The following MIPEP variants were observed in gnomAD, a reference collection of about 807,000 sequenced individuals.
MIPEP encodes mitochondrial intermediate peptidase.
Under a neutral mutation model 90.3 loss-of-function variants are expected in MIPEP, and 79 were observed. The observed-to-expected ratio is 0.87, with a 90% CI of 0.73 to 1.05. MIPEP has a LOEUF of 1.05. Ranked by LOEUF, MIPEP falls within the 50% of genes least tolerant of loss-of-function variation. The probability of loss-of-function intolerance (pLI) is 0.00; values close to 1 mark genes in which losing one functional copy is unlikely to be tolerated. For missense variants in MIPEP, 940 were observed against 905.6 expected, an observed-to-expected ratio of 1.04 and a Z score of -0.49; for synonymous variants, 334 against 315.8, an observed-to-expected ratio of 1.06 and a Z score of -0.61.
At chr13:23,821,778 T>C (rs879336936) in intron 14 of MIPEP, among the ~76,000 whole-genome samples, 3 of 152,222 alleles carry the variant, frequency 2.0e-5, no homozygotes, top group Non-Finnish European at 4.4e-5. Context: ...CTTTAAATCA[T>C]GTCTAGACTA....
chr13:23,760,519 T>G, intron 16 of MIPEP: 60 of 562,268 alleles, frequency 1.1e-4, no homozygotes, highest in Middle Eastern at 3.0e-4. Flanking sequence ...GACTGGGCCC[T>G]TGCCCAAACT....
intron 14 of MIPEP, among the ~76,000 whole-genome samples, chr13:23,818,279 G>C (rs1392114139): frequency 6.6e-6 from 1 of 151,640 alleles, no homozygotes. Flanking sequence ...AATTAGCTGG[G>C]CCTGGTGGCG....
intron 16 of MIPEP, among the ~76,000 whole-genome samples, chr13:23,762,651 G>A (rs978407986): frequency 1.2e-4 from 18 of 152,210 alleles, no homozygotes; most frequent in South Asian, 2.1e-4. Context: ...CTTCCTCCTT[G>A]GGGATGCAGC....
At chr13:23,744,448 T>C (rs917162374) in intron 18 of MIPEP, among the ~76,000 whole-genome samples, 1 of 152,174 alleles carries the variant, frequency 6.6e-6, no homozygotes, top group African/African-American at 2.4e-5. Flanking sequence ...GAGAAAGAAG[T>C]TGAAGAAATT....
At chr13:23,873,008 T>C (rs751723014) in intron 5 of MIPEP, among the ~76,000 whole-genome samples, 3 of 152,198 alleles carry the variant, frequency 2.0e-5, no homozygotes, top group East Asian at 3.9e-4. Flanking sequence ...AGAAGTTAGA[T>C]AAGCAACACA....
At chr13:23,885,685 TAAAA>T (rs985552322) in intron 2 of MIPEP, among the ~76,000 whole-genome samples, 1 of 144,340 alleles carries the variant, frequency 6.9e-6, no homozygotes, top group East Asian at 2.0e-4. Context: ...TTTAAAATGT[TAAAA>T]AAAAAAAGTC....
rs150679574 is a variant in MIPEP, at chr13:23,816,241, C to T, written c.1654-6317G>A. Among the ~76,000 whole-genome samples, 604 of 152,188 alleles carry T rather than the reference C, an allele frequency of 4.0e-3. 2 individuals carry two copies. The highest frequency in any genetic ancestry group is 0.014 in the African/African-American group (584 of 41,506). ...GTTATTATGCCATCAAATATTTCTC[C>T]GGCCTTGTTATTGCTCTCTTTTCCT... On this transcript the variant is annotated intron_variant, in intron 14 of 18. Transcript: ENST00000382172.
At chr13:23,813,129 CTT>C (rs1953193231) in intron 14 of MIPEP, among the ~76,000 whole-genome samples, 2 of 151,780 alleles carry the variant, frequency 1.3e-5, no homozygotes, top group South Asian at 4.2e-4. Context: ...GAAAAAAAAA[CTT>C]AAATACCATA....
chr13:23,834,484 G>A (rs570636791), intron 14 of MIPEP, among the ~76,000 whole-genome samples: 45 of 152,246 alleles, frequency 3.0e-4, no homozygotes, highest in Non-Finnish European at 6.5e-4. Context: ...ATTAAAGACC[G>A]CGGGCAATGG....
Position 23,746,988 on chromosome 13 carries a change from C to T in MIPEP, c.2044+9557G>A, listed in dbSNP as rs148011385. ...AACAAGCACTACCCACCAAAAGTAA[C>T]GGTGACAAAACAGAAGTTGAAGAAG... is the stretch of plus-strand genomic sequence containing the variant. On this transcript the variant is annotated intron_variant, in intron 18 of 18. Coordinates refer to ENST00000382172, the MANE Select transcript of MIPEP (RefSeq NM_005932.4). Among the ~76,000 whole-genome samples, 122 of 152,264 alleles carry T rather than the reference C, an allele frequency of 8.0e-4. 2 individuals carry two copies. The East Asian group carries it at 0.021, about 27-fold the overall frequency.
At chr13:23,750,745 G>A (rs1390635941) in intron 18 of MIPEP, among the ~76,000 whole-genome samples, 1 of 152,148 alleles carries the variant, frequency 6.6e-6, no homozygotes, top group Non-Finnish European at 1.5e-5. Context: ...TTCTCTATGG[G>A]AGATTATTCT....
chr13:23,836,261 G>A lies in MIPEP; in HGVS notation c.1632C>T (p.Ala544=), dbSNP rs781368548. The A allele has an allele frequency of 6.2e-7, 1 of 1,602,048 alleles. No homozygotes were observed. The highest frequency in any genetic ancestry group is 1.1e-5 in the South Asian group (1 of 88,112). ...ANDYRVVNQF[A]RHYQTGQPLP... Reference sequence around the variant, plus strand: ...CTACCTGTCCAGTCTGATAATGTCTGGCAAATTGGTTAACTACTCGATAAT... The same window carrying A: ...CTACCTGTCCAGTCTGATAATGTCTAGCAAATTGGTTAACTACTCGATAAT... The change falls in exon 14 of 19, where the codon GCC becomes GCT. Residue 544 remains alanine (A), a synonymous_variant. Coordinates refer to ENST00000382172, the MANE Select transcript of MIPEP (RefSeq NM_005932.4).
At position 23,889,345 on chromosome 13, in the gene MIPEP, T is replaced by C. The variant is rs1470263442; in HGVS notation, c.-25A>G. On this transcript the variant is annotated 5_prime_UTR_variant, in exon 1 of 19. Coordinates refer to ENST00000382172, the MANE Select transcript of MIPEP (RefSeq NM_005932.4). ...TTCTAGCACCAGAGCAGTCCCTTCC[T>C]CCAACGCAGATCCCTGCCCTGCTGC... The C allele has an allele frequency of 1.5e-6, 2 of 1,299,558 alleles. No homozygotes were observed. The highest frequency in any genetic ancestry group is 3.1e-5 in the African/African-American group (2 of 64,760). The allele number at this position is 1,299,558 out of a possible 1,614,324, so 80.5% of individuals were successfully genotyped here.
chr13:23,771,567 AC>A (rs1451899534), intron 16 of MIPEP, among the ~76,000 whole-genome samples: 1 of 147,896 alleles, frequency 6.8e-6, no homozygotes, highest in Admixed American at 6.7e-5. Context: ...ACACACACAC[AC>A]ATCTGCATTT....
chr13:23,788,097 T>C lies in MIPEP; in HGVS notation c.1848+17853A>G, dbSNP rs374575263. Reference sequence around the variant, plus strand: ...CATGCTCATTAGAGAAAAAATGGAATACTGTGAAAAATATAAAAAAGGAAA... The same window carrying C: ...CATGCTCATTAGAGAAAAAATGGAACACTGTGAAAAATATAAAAAAGGAAA... On this transcript the variant is annotated intron_variant, in intron 16 of 18. Transcript: ENST00000382172. Among the ~76,000 whole-genome samples the C allele has an allele frequency of 2.2e-4, 33 of 152,272 alleles. No homozygotes were observed. The East Asian group carries it at 3.3e-3, about 15-fold the overall frequency.
intron 16 of MIPEP, among the ~76,000 whole-genome samples, chr13:23,764,622 G>A (rs1272304616): frequency 6.6e-6 from 1 of 152,190 alleles, no homozygotes. Context: ...GCAGAGGCAT[G>A]AGCATGTCTC....
intron 14 of MIPEP, among the ~76,000 whole-genome samples, chr13:23,818,280 C>T (rs1232540413): frequency 6.6e-6 from 1 of 151,684 alleles, no homozygotes; most frequent in East Asian, 1.9e-4. Flanking sequence ...ATTAGCTGGG[C>T]CTGGTGGCGG....
chr13:23,792,408 T>G (rs896594892), intron 16 of MIPEP, among the ~76,000 whole-genome samples: 6 of 152,194 alleles, frequency 3.9e-5, no homozygotes, highest in African/African-American at 1.4e-4. Context: ...CCATCTTTAT[T>G]TTTTGAGGCA....
rs114883838 is a variant in MIPEP at position 23,886,221 on chromosome 13, C to T, written c.363+112G>A. On this transcript the variant is annotated intron_variant, in intron 2 of 18. Transcript: ENST00000382172. ...ATACCCAATGGATCTCAGTTTCAGA[C>T]ATTTTTAACTTTATAATCTAATATT... 618 of 834,200 alleles carry T rather than the reference C, an allele frequency of 7.4e-4. 3 individuals are homozygous for T. The African/African-American group carries it at 0.01, about 14-fold the overall frequency. The allele number at this position is 834,200 out of a possible 1,614,324, so 51.7% of individuals were successfully genotyped here. A position where few individuals can be genotyped will look rare whatever the true frequency, so the allele number is the denominator to read the frequency against.
Sources: gnomAD v4.1 joint callset for allele counts (sites outside exome capture counted in the v4.1 genomes callset) on GRCh38, gnomAD v4.1.1 for gene constraint, MANE v1.5 for transcripts, NCBI Gene and HGNC (gene_info 2026-07-23, HGNC 2026-07-21) for gene names.